Variants in TAOK3 observed in about 807,000 individuals in gnomAD.
TAOK3 encodes the protein serine/threonine-protein kinase TAO3.
TAOK3 carries 40 observed loss-of-function variants against 120.4 expected under a neutral mutation model. The observed-to-expected ratio is 0.33, with a 90% CI of 0.26 to 0.43. TAOK3 has a LOEUF of 0.43. Ranked by LOEUF, TAOK3 falls within the 20% of genes least tolerant of loss-of-function variation. TAOK3 has a pLI of 1.00. For synonymous variants in TAOK3, 355 were observed against 387.5 expected, an observed-to-expected ratio of 0.92 and a Z score of 0.99; for missense variants, 821 against 1,112.1, an observed-to-expected ratio of 0.74 and a Z score of 3.72.
intron 1 of TAOK3, among the ~76,000 whole-genome samples, chr12:118,303,717 G>A (rs1474541149): frequency 2.0e-5 from 3 of 152,152 alleles, no homozygotes; most frequent in East Asian, 1.9e-4. Context: ...GCATGATCTC[G>A]GCTCACTGCA....
Position 118,260,444 on chromosome 12 carries a change from A to G in TAOK3, c.-88-4789T>C, listed in dbSNP as rs184486724. Among the ~76,000 whole-genome samples, 269 of 152,366 alleles carry G rather than the reference A, an allele frequency of 1.8e-3. 2 individuals are homozygous for G. Among genetic ancestry groups the G allele is most frequent in the Non-Finnish European group, 2.8e-3 (193 of 68,032 alleles). On this transcript the variant is annotated intron_variant, in intron 2 of 20. Transcript: ENST00000392533. ...ATTCACAATATCTAACACTCCATAA[A>G]AAATTACCAGGCATGCAGAAAAGCA...
rs574101124 is a variant in TAOK3, at chr12:118,154,002, G to GT, written c.2353-1594dup. On this transcript the variant is annotated intron_variant, in intron 19 of 20. Transcript: ENST00000392533. ...AGGACAGACAGTTCTCATTTTCCCA[G>GT]TAAGGAATGAAGGGATAAGAGACAC... Among the ~76,000 whole-genome samples, 256 of 152,272 alleles carry GT rather than the reference G, an allele frequency of 1.7e-3. 1 individual carries two copies. The highest frequency in any genetic ancestry group is 2.9e-3 in the Non-Finnish European group (199 of 68,024).
intron 9 of TAOK3, among the ~76,000 whole-genome samples, chr12:118,226,434 T>C (rs933213575): frequency 4.0e-5 from 6 of 150,006 alleles, no homozygotes; most frequent in Admixed American, 3.3e-4. Flanking sequence ...TTCGGGAGGC[T>C]GAGGCAGGAG....
chr12:118,253,883 T>A (rs1209110913), intron 3 of TAOK3, among the ~76,000 whole-genome samples: 1 of 152,126 alleles, frequency 6.6e-6, no homozygotes, highest in Non-Finnish European at 1.5e-5. Flanking sequence ...ACCCGGTCTC[T>A]ACTAAAAATA....
In TAOK3 at chr12:118,266,048, T is replaced by C. The variant is rs572999776; in HGVS notation, c.-89+607A>G. 6.6e-5 allele frequency among the ~76,000 whole-genome samples: 10 copies of C among 152,278 alleles called. No individual in the cohort carries two copies. The South Asian group carries it at 2.1e-3, about 32-fold the overall frequency. On this transcript the variant is annotated intron_variant, in intron 2 of 20. Coordinates refer to ENST00000392533, the MANE Select transcript of TAOK3 (RefSeq NM_016281.4). ...CTACCAACAAAAAAATGGCAATATA[T>C]ATATTTCCAGAAAATAATTTGACAA...
chr12:118,249,537 A>G (rs984750097), intron 3 of TAOK3, among the ~76,000 whole-genome samples: 2 of 150,328 alleles, frequency 1.3e-5, no homozygotes, highest in Non-Finnish European at 3.0e-5. Flanking sequence ...ACTACAGCCT[A>G]GGTGACAGAG....
At chr12:118,275,665 T>C (rs866304124) in intron 1 of TAOK3, among the ~76,000 whole-genome samples, 32 of 152,344 alleles carry the variant, frequency 2.1e-4, no homozygotes, top group African/African-American at 7.2e-4. Flanking sequence ...TTGGCAAATA[T>C]TTATTAAGTA....
chr12:118,284,633 T>C (rs1017196339), intron 1 of TAOK3, among the ~76,000 whole-genome samples: 4 of 151,758 alleles, frequency 2.6e-5, no homozygotes, highest in African/African-American at 4.8e-5. Context: ...ATAAAGAAAA[T>C]AGAAAGAGAT....
intron 1 of TAOK3, among the ~76,000 whole-genome samples, chr12:118,291,167 T>C (rs974995607): frequency 1.2e-4 from 18 of 150,912 alleles, no homozygotes; most frequent in Admixed American, 4.0e-4. Context: ...GGTTTTTACT[T>C]TTTTTTGAGA....
intron 15 of TAOK3, among the ~76,000 whole-genome samples, chr12:118,178,573 T>C (rs1184636889): frequency 6.6e-6 from 1 of 152,180 alleles, no homozygotes; most frequent in Non-Finnish European, 1.5e-5. Flanking sequence ...TTCTCATGCC[T>C]CAGCCTCCCC....
chr12:118,198,257 C>T (rs1009521984), intron 13 of TAOK3: 12 of 152,388 alleles, frequency 7.9e-5, no homozygotes, highest in African/African-American at 2.9e-4. Context: ...CCATCTCTTA[C>T]CCCAGCTGGC....
intron 16 of TAOK3, among the ~76,000 whole-genome samples, chr12:118,175,046 T>G (rs1235808980): frequency 6.6e-6 from 1 of 152,184 alleles, no homozygotes; most frequent in East Asian, 1.9e-4. Flanking sequence ...ATATAAAAAT[T>G]AAGCTCAAGC....
chr12:118,261,215 G>A (rs2041214812), intron 2 of TAOK3, among the ~76,000 whole-genome samples: 1 of 152,224 alleles, frequency 6.6e-6, no homozygotes, highest in Non-Finnish European at 1.5e-5. Context: ...GTATGTCTAA[G>A]TGGAGTCCCT....
rs984367445 is a variant in TAOK3 at position 118,150,044 on chromosome 12, G to C, written c.*953C>G. 1.3e-5 allele frequency: 2 copies of C among 152,334 alleles called. No individual in the cohort carries two copies. The highest frequency in any genetic ancestry group is 4.8e-5 in the African/African-American group (2 of 41,386). 9.4% of individuals were successfully genotyped at this position (152,334 alleles called of 1,614,324 possible). A position where few individuals can be genotyped will look rare whatever the true frequency, so the allele number is the denominator to read the frequency against. On this transcript the variant is annotated 3_prime_UTR_variant, in exon 21 of 21. Transcript: ENST00000392533. ...GGGAGATAAAGAAAAAGATCAAGAT[G>C]ATCTGATTGAGAGACAGTGTTGAAC...
At chr12:118,233,848 C>T in intron 8 of TAOK3, 83 bp from the exon 9 acceptor site, 1 of 850,800 alleles carries the variant, frequency 1.2e-6, no homozygotes. Context: ...AATAGCTGTT[C>T]TTAAGGGTAT....
chr12:118,352,902 G>T (rs58774138), intron 1 of TAOK3, among the ~76,000 whole-genome samples: 1 of 152,098 alleles, frequency 6.6e-6, no homozygotes, highest in African/African-American at 2.4e-5. Flanking sequence ...TAGAGACAAG[G>T]TTTCACTATG....
At chr12:118,353,726 G>C (rs918116900) in intron 1 of TAOK3, among the ~76,000 whole-genome samples, 1 of 152,184 alleles carries the variant, frequency 6.6e-6, no homozygotes, top group Non-Finnish European at 1.5e-5. Context: ...AATGAGCCTT[G>C]AGACTATTAT....
intron 9 of TAOK3, among the ~76,000 whole-genome samples, chr12:118,231,966 T>G (rs922853684): frequency 1.3e-5 from 2 of 151,978 alleles, no homozygotes; most frequent in Non-Finnish European, 1.5e-5. Flanking sequence ...TTTTAAAAAC[T>G]GATTTTTTAA....
chr12:118,306,852 G>C (rs911236435), intron 1 of TAOK3, among the ~76,000 whole-genome samples: 3 of 152,186 alleles, frequency 2.0e-5, no homozygotes, highest in African/African-American at 7.2e-5. Context: ...CCATAATGAA[G>C]AAAATAGTCT....
Sources: gnomAD v4.1 joint callset for allele counts (sites outside exome capture counted in the v4.1 genomes callset) on GRCh38, gnomAD v4.1.1 for gene constraint, MANE v1.5 for transcripts, NCBI Gene and HGNC (gene_info 2026-07-23, HGNC 2026-07-21) for gene names.